The following NXPH1 variants were observed in gnomAD, a reference collection of about 807,000 sequenced individuals.
NXPH1 encodes neurexophilin 1.
A neutral mutation model predicts 23.7 loss-of-function variants in NXPH1; 5 were observed. The observed-to-expected ratio is 0.21, with a 90% CI of 0.11 to 0.44. The LOEUF (loss-of-function observed/expected upper bound fraction) is 0.44. Ranked by LOEUF, NXPH1 falls within the 20% of genes least tolerant of loss-of-function variation. NXPH1 has a pLI of 0.99. For synonymous variants in NXPH1, 144 were observed against 122.2 expected (o/e 1.18, Z -1.18); for missense variants, 324 against 321.6 (o/e 1.01, Z -0.06).
chr7:8,535,348 G>T (rs912210676), intron 2 of NXPH1, among the ~76,000 whole-genome samples: 3 of 152,140 alleles, frequency 2.0e-5, no homozygotes, highest in East Asian at 3.9e-4. Flanking sequence ...GGGATTTTTT[G>T]AAAAGATTTG....
At chr7:8,686,746 C>T (rs1821151267) in intron 2 of NXPH1, among the ~76,000 whole-genome samples, 1 of 151,986 alleles carries the variant, frequency 6.6e-6, no homozygotes, top group Admixed American at 6.6e-5. Context: ...TTTAAAATGC[C>T]ATGTGTGGAA....
At chr7:8,578,291 C>G (rs1818792916) in intron 2 of NXPH1, among the ~76,000 whole-genome samples, 1 of 152,136 alleles carries the variant, frequency 6.6e-6, no homozygotes, top group Non-Finnish European at 1.5e-5. Context: ...ATTTGAAGTA[C>G]AGTTTCCATT....
At chr7:8,579,963 A>C (rs1295110800) in intron 2 of NXPH1, among the ~76,000 whole-genome samples, 1 of 152,180 alleles carries the variant, frequency 6.6e-6, no homozygotes, top group Non-Finnish European at 1.5e-5. Context: ...TACATAAAAA[A>C]CGGTTGATGT....
chr7:8,663,277 G>A (rs931882655), intron 2 of NXPH1, among the ~76,000 whole-genome samples: 5 of 151,938 alleles, frequency 3.3e-5, no homozygotes, highest in African/African-American at 7.3e-5. Flanking sequence ...CATCCCTTTC[G>A]CACTCACAGT....
intron 2 of NXPH1, among the ~76,000 whole-genome samples, chr7:8,528,397 T>A (rs1375216374): frequency 6.6e-6 from 1 of 152,190 alleles, no homozygotes; most frequent in African/African-American, 2.4e-5. Flanking sequence ...AGGCATGACT[T>A]TGGTTTGCAG....
At chr7:8,566,784 T>C (rs1442648978) in intron 2 of NXPH1, among the ~76,000 whole-genome samples, 3 of 151,858 alleles carry the variant, frequency 2.0e-5, no homozygotes, top group African/African-American at 7.2e-5. Flanking sequence ...ACAGGTGGCC[T>C]GGGTCTTGGG....
intron 2 of NXPH1, among the ~76,000 whole-genome samples, chr7:8,526,112 A>C (rs1817857563): frequency 6.6e-6 from 1 of 152,188 alleles, no homozygotes; most frequent in African/African-American, 2.4e-5. Flanking sequence ...ATGGGGGCAG[A>C]GCTGCCCAAG....
At chr7:8,651,079 G>A (rs1269927804) in intron 2 of NXPH1, among the ~76,000 whole-genome samples, 3 of 149,732 alleles carry the variant, frequency 2.0e-5, no homozygotes, top group Non-Finnish European at 4.4e-5. Context: ...CCACTAACTC[G>A]TCATCTAGCA....
chr7:8,709,213 T>TGCTA (rs1201103851), intron 2 of NXPH1, among the ~76,000 whole-genome samples: 1 of 152,234 alleles, frequency 6.6e-6, no homozygotes, highest in East Asian at 1.9e-4. Flanking sequence ...TGGCAGTGTG[T>TGCTA]GCTACCACTT....
At chr7:8,491,673 A>G (rs1181300350) in intron 2 of NXPH1, among the ~76,000 whole-genome samples, 1 of 152,018 alleles carries the variant, frequency 6.6e-6, no homozygotes, top group Non-Finnish European at 1.5e-5. Flanking sequence ...ATCATCTTAA[A>G]TCCTGCTGAT....
chr7:8,514,530 C>A (rs1817659963), intron 2 of NXPH1, among the ~76,000 whole-genome samples: 1 of 152,098 alleles, frequency 6.6e-6, no homozygotes, highest in Non-Finnish European at 1.5e-5. Flanking sequence ...GAGTCCATTC[C>A]CTGATGCTAC....
At chr7:8,684,963 T>C (rs932079554) in intron 2 of NXPH1, among the ~76,000 whole-genome samples, 3 of 152,170 alleles carry the variant, frequency 2.0e-5, no homozygotes, top group African/African-American at 7.2e-5. Context: ...CATGTTGCAC[T>C]GTATAACTAC....
At chr7:8,436,259 C>G (rs1563309637) in intron 2 of NXPH1, among the ~76,000 whole-genome samples, 1 of 152,204 alleles carries the variant, frequency 6.6e-6, no homozygotes. Context: ...CTTTCTTTGA[C>G]TTGTAAGGGT....
chr7:8,534,587 G>GT (rs1817999517), intron 2 of NXPH1, among the ~76,000 whole-genome samples: 1 of 152,074 alleles, frequency 6.6e-6, no homozygotes, highest in Non-Finnish European at 1.5e-5. Context: ...AGATGTTATT[G>GT]TAAGTTCCTA....
At chr7:8,571,010 T>G (rs2128622101) in intron 2 of NXPH1, among the ~76,000 whole-genome samples, 1 of 143,718 alleles carries the variant, frequency 7.0e-6, no homozygotes, top group African/African-American at 2.5e-5. Flanking sequence ...TCTGTCTATC[T>G]GTCTGTCTAT....
intron 2 of NXPH1, among the ~76,000 whole-genome samples, chr7:8,581,526 T>C (rs1326372881): frequency 1.3e-5 from 2 of 152,024 alleles, no homozygotes; most frequent in Non-Finnish European, 2.9e-5. Flanking sequence ...AAGGGGAAAA[T>C]CTGCCCCCAG....
At position 8,435,835 on chromosome 7, in the gene NXPH1, C is replaced by A. The variant is rs1467555010; in HGVS notation, c.54+68C>A. ...CCGGGAGGCAAGGAAACTGGGGACA[C>A]GCGGGAGAAGGGTTACGCCGCCAGT... On this transcript the variant is annotated intron_variant, in intron 2 of 2. Transcript: ENST00000405863. This position sits in a 1 kb window ranked among gnomAD's most constrained non-coding sequence, Gnocchi z 5.9. The A allele has an allele frequency of 1.0e-5, 15 of 1,448,232 alleles. No homozygotes were observed. In the Admixed American group the frequency reaches 2.5e-4, roughly 24 times the overall value. The allele number at this position is 1,448,232 out of a possible 1,614,324, so 89.7% of individuals were successfully genotyped here.
At chr7:8,736,731 T>C (rs781190869) in intron 2 of NXPH1, among the ~76,000 whole-genome samples, 1 of 152,202 alleles carries the variant, frequency 6.6e-6, no homozygotes, top group Non-Finnish European at 1.5e-5. Flanking sequence ...CAGTGGGGTG[T>C]TAAAGTCTCC....
intron 2 of NXPH1, among the ~76,000 whole-genome samples, chr7:8,470,240 G>C (rs893512435): frequency 2.6e-5 from 4 of 152,094 alleles, no homozygotes; most frequent in Non-Finnish European, 5.9e-5. Flanking sequence ...ATTATGCAGA[G>C]ATCTACATTG....
Sources: gnomAD v4.1 joint callset for allele counts (sites outside exome capture counted in the v4.1 genomes callset) on GRCh38, gnomAD v4.1.1 for gene constraint, Gnocchi (gnomAD v3.1) non-coding constraint, MANE v1.5 for transcripts, NCBI Gene and HGNC (gene_info 2026-07-23, HGNC 2026-07-21) for gene names.